CRACD: variants seen among roughly 807,000 people sequenced by gnomAD.
The protein encoded by CRACD is capping protein inhibiting regulator of actin dynamics, also known as capping protein-inhibiting regulator of actin dynamics.
CRACD carries 56 observed loss-of-function variants against 106.8 expected under a neutral mutation model. The ratio of observed to expected loss-of-function variants is 0.52; its 90% CI spans 0.42 to 0.66. The LOEUF (loss-of-function observed/expected upper bound fraction) is 0.66. CRACD is among the 30% of genes least tolerant of loss of function. CRACD has a pLI of 0.00. For missense variants in CRACD, 1,730 were observed against 1,623.2 expected (o/e 1.07, Z -1.13); for synonymous variants, 754 against 670.8 (o/e 1.12, Z -1.92).
intron 3 of CRACD, among the ~76,000 whole-genome samples, chr4:56,291,012 T>C (rs1743673517): frequency 6.6e-6 from 1 of 152,230 alleles, no homozygotes; most frequent in Non-Finnish European, 1.5e-5. Flanking sequence ...AAAATGATTG[T>C]TAAATGACTA....
At chr4:56,301,248 G>T (rs1258784229) in intron 4 of CRACD, 1 of 1,286,870 alleles carries the variant, frequency 7.8e-7, no homozygotes, top group Non-Finnish European at 1.0e-6. Flanking sequence ...TATGTTCCTG[G>T]TAAGTCGTAG....
intron 2 of CRACD, among the ~76,000 whole-genome samples, chr4:56,202,734 T>A (rs750731861): frequency 9.2e-5 from 14 of 152,198 alleles, no homozygotes; most frequent in Non-Finnish European, 1.9e-4. Context: ...TAGTTTTTAC[T>A]CAGATTAAAC....
At chr4:56,284,351 G>T (rs577279265) in intron 3 of CRACD, among the ~76,000 whole-genome samples, 1 of 141,770 alleles carries the variant, frequency 7.1e-6, no homozygotes, top group East Asian at 2.1e-4. Flanking sequence ...AAAGCACTAT[G>T]GGAAAAACAA....
intron 1 of CRACD, among the ~76,000 whole-genome samples, chr4:56,116,317 C>A (rs1347220942): frequency 6.6e-6 from 1 of 150,916 alleles, no homozygotes; most frequent in Non-Finnish European, 1.5e-5. Flanking sequence ...CTAGACATGG[C>A]AGGATAGACC....
intron 1 of CRACD, among the ~76,000 whole-genome samples, chr4:56,056,965 G>T (rs1408419372): frequency 6.6e-6 from 1 of 152,196 alleles, no homozygotes; most frequent in Non-Finnish European, 1.5e-5. Flanking sequence ...TGTGAAAAGA[G>T]AATGCAAAAT....
chr4:56,144,200 AG>A (rs1160985434), intron 1 of CRACD, among the ~76,000 whole-genome samples: 1 of 152,182 alleles, frequency 6.6e-6, no homozygotes, highest in African/African-American at 2.4e-5. Context: ...AAAGTGGAGA[AG>A]GGGGGAGAGT....
chr4:56,066,312 T>G (rs1732466315), intron 1 of CRACD, among the ~76,000 whole-genome samples: 1 of 152,204 alleles, frequency 6.6e-6, no homozygotes, highest in Non-Finnish European at 1.5e-5. Flanking sequence ...AAGGGTTTTT[T>G]GGAGCATTCT....
rs530296989 is a variant in CRACD at position 56,325,779 on chromosome 4, C to T, written c.3541+1513C>T. The stretch of plus-strand genomic sequence containing the variant: ...CTAGGCTCCACTATTCCCCAAAGGG[C>T]GTCTAATCTCTAGACCCAGGCTTTT... On this transcript the variant is annotated intron_variant, in intron 10 of 10. Transcript: ENST00000682029. Among the ~76,000 whole-genome samples the T allele has an allele frequency of 7.9e-5, 12 of 152,316 alleles. No individual in the cohort carries two copies. In the South Asian group the frequency reaches 8.3e-4, roughly 11 times the overall value.
intron 1 of CRACD, among the ~76,000 whole-genome samples, chr4:56,134,496 C>G (rs7686487): frequency 0.076 from 11,493 of 152,184 alleles, 546 homozygotes; most frequent in Admixed American, 0.14. Flanking sequence ...AGCTCCAGAA[C>G]GGATGTGCTC....
chr4:56,166,754 G>A (rs1168341744), intron 1 of CRACD, among the ~76,000 whole-genome samples: 1 of 150,528 alleles, frequency 6.6e-6, no homozygotes, highest in Non-Finnish European at 1.5e-5. Context: ...CAATTTAGTA[G>A]CATGGAAAAA....
Position 56,190,871 on chromosome 4 carries a change from G to A in CRACD, c.-189+11441G>A, listed in dbSNP as rs555907593. On this transcript the variant is annotated intron_variant, in intron 2 of 10. Transcript: ENST00000682029. ...CACATTGCTCTAGCAGAGGTGCTCC[G>A]TGAGGGCTATAAAAAATAAATAAAT... Among the ~76,000 whole-genome samples, 12 of 152,196 alleles carry A rather than the reference G, an allele frequency of 7.9e-5. No individual in the cohort carries two copies. In the East Asian group the frequency reaches 1.4e-3, roughly 17 times the overall value.
intron 1 of CRACD, among the ~76,000 whole-genome samples, chr4:56,100,483 C>T (rs970233974): frequency 2.0e-5 from 3 of 152,110 alleles, no homozygotes; most frequent in Non-Finnish European, 4.4e-5. Flanking sequence ...ATAAAACTGT[C>T]AATAGGAAGA....
chr4:56,270,856 C>G (rs1051667133), intron 2 of CRACD, among the ~76,000 whole-genome samples: 7 of 151,830 alleles, frequency 4.6e-5, no homozygotes, highest in Non-Finnish European at 1.0e-4. Flanking sequence ...CCAAGGCGGA[C>G]GGATCATTTG....
intron 2 of CRACD, among the ~76,000 whole-genome samples, chr4:56,183,242 A>AAATAAAATAAAATAAAAT (rs1736922758): frequency 1.9e-5 from 2 of 103,528 alleles, no homozygotes; most frequent in African/African-American, 9.4e-5. Context: ...TCAAAAAATA[A>AAATAAAATAAAATAAAAT]AATAAAATAA....
chr4:56,104,217 A>G (rs1212167352), intron 1 of CRACD, among the ~76,000 whole-genome samples: 2 of 152,066 alleles, frequency 1.3e-5, no homozygotes, highest in African/African-American at 4.8e-5. Flanking sequence ...AGCAACATAG[A>G]TAGACCTCAC....
intron 2 of CRACD, among the ~76,000 whole-genome samples, chr4:56,192,916 C>T (rs1221175319): frequency 1.3e-5 from 2 of 152,192 alleles, no homozygotes; most frequent in Non-Finnish European, 2.9e-5. Context: ...AAACAGACAA[C>T]ACTTAACACA....
chr4:56,226,888 C>T (rs563213480), intron 2 of CRACD, among the ~76,000 whole-genome samples: 2 of 151,760 alleles, frequency 1.3e-5, no homozygotes, highest in Non-Finnish European at 2.9e-5. Flanking sequence ...CTCTCTCTCT[C>T]TCTCTCCCTT....
chr4:56,135,643 T>C (rs1466101412), intron 1 of CRACD, among the ~76,000 whole-genome samples: 1 of 152,236 alleles, frequency 6.6e-6, no homozygotes, highest in African/African-American at 2.4e-5. Flanking sequence ...ACGTCTCATC[T>C]TTTAAAACGA....
chr4:56,065,494 C>T (rs1260862941), intron 1 of CRACD, among the ~76,000 whole-genome samples: 1 of 152,148 alleles, frequency 6.6e-6, no homozygotes, highest in East Asian at 1.9e-4. Flanking sequence ...AGTATCTTAG[C>T]CTTTTCCTTG....
Sources: gnomAD v4.1 joint callset for allele counts (sites outside exome capture counted in the v4.1 genomes callset) on GRCh38, gnomAD v4.1.1 for gene constraint, MANE v1.5 for transcripts, NCBI Gene and HGNC (gene_info 2026-07-23, HGNC 2026-07-21) for gene names.